NEO1: variants seen among roughly 807,000 people sequenced by gnomAD.
NEO1 encodes neogenin.
NEO1 carries 63 observed loss-of-function variants against 159.7 expected under a neutral mutation model. The observed-to-expected ratio is 0.39, with a 90% CI of 0.32 to 0.49. The LOEUF is 0.49. Ranked by LOEUF, NEO1 falls within the 20% of genes least tolerant of loss-of-function variation. The pLI is 0.85. For synonymous variants in NEO1, 633 were observed against 662.0 expected (o/e 0.96, Z 0.67); for missense variants, 1,615 against 1,831.0 (o/e 0.88, Z 2.15).
chr15:73,126,022 ACGT>A (rs1330897706), intron 3 of NEO1, among the ~76,000 whole-genome samples: 1 of 152,338 alleles, frequency 6.6e-6, no homozygotes, highest in Non-Finnish European at 1.5e-5. Flanking sequence ...ATTGACAAGT[ACGT>A]ACCCTGAAGG....
intron 5 of NEO1, among the ~76,000 whole-genome samples, chr15:73,165,920 CAT>C (rs1452538888): frequency 1.3e-5 from 2 of 152,200 alleles, no homozygotes; most frequent in Non-Finnish European, 2.9e-5. Context: ...CCTTACTGCA[CAT>C]GTGTCAGGAG....
intron 1 of NEO1, among the ~76,000 whole-genome samples, chr15:73,097,776 C>CTTTTTTTTTTTT (rs34165169): frequency 4.0e-5 from 3 of 75,554 alleles, no homozygotes; most frequent in Non-Finnish European, 4.4e-5. Flanking sequence ...TGGAACTAGC[C>CTTTTTTTTTTTT]TTTTTTTTTT....
chr15:73,109,849 G>A (rs1259544007), intron 1 of NEO1, among the ~76,000 whole-genome samples: 1 of 152,074 alleles, frequency 6.6e-6, no homozygotes, highest in African/African-American at 2.4e-5. Context: ...CCCAGGAGAG[G>A]GGTTCTGTAA....
chr15:73,288,209 T>G, intron 23 of NEO1, 104 bp from the exon 24 acceptor site: 1 of 1,113,350 alleles, frequency 9.0e-7, no homozygotes, highest in Admixed American at 2.2e-5. Context: ...TTGCTTTTTT[T>G]GCTTGAAACA....
intron 18 of NEO1, among the ~76,000 whole-genome samples, chr15:73,271,732 C>T (rs1004222175): frequency 6.6e-6 from 1 of 152,034 alleles, no homozygotes; most frequent in African/African-American, 2.4e-5. Context: ...CATGGCGAAA[C>T]CCCATCTCTA....
chr15:73,059,757 T>TA (rs1567100511), intron 1 of NEO1, among the ~76,000 whole-genome samples: 2 of 152,220 alleles, frequency 1.3e-5, no homozygotes, highest in African/African-American at 2.4e-5. Flanking sequence ...AACTTAGTTT[T>TA]ATAAAGCCAG....
At chr15:73,260,632 C>G (rs1353080058) in intron 15 of NEO1, among the ~76,000 whole-genome samples, 167 bp downstream of exon 15, 1 of 152,132 alleles carries the variant, frequency 6.6e-6, no homozygotes, top group Admixed American at 6.5e-5. Context: ...ACATTTACAG[C>G]TATATTTTGC....
At chr15:73,299,386 CTT>C (rs879735123) in intron 27 of NEO1, among the ~76,000 whole-genome samples, 7 of 143,536 alleles carry the variant, frequency 4.9e-5, no homozygotes, top group Non-Finnish European at 3.1e-5. Context: ...AACTATTTTC[CTT>C]TTTTTTTTTT....
At chr15:73,215,973 G>A (rs535141509) in intron 7 of NEO1, among the ~76,000 whole-genome samples, 3 of 152,002 alleles carry the variant, frequency 2.0e-5, no homozygotes, top group East Asian at 3.9e-4. Context: ...GGGTACATGT[G>A]TACAATGTGC....
intron 7 of NEO1, among the ~76,000 whole-genome samples, chr15:73,181,333 G>A (rs1051579196): frequency 1.3e-5 from 2 of 152,202 alleles, no homozygotes; most frequent in South Asian, 4.1e-4. Flanking sequence ...AAGGAAAATT[G>A]TTATGAGGCC....
chr15:73,109,658 C>T (rs2070868736), intron 1 of NEO1, among the ~76,000 whole-genome samples: 1 of 151,852 alleles, frequency 6.6e-6, no homozygotes, highest in African/African-American at 2.4e-5. Context: ...AATTGAATCA[C>T]CCTAGAATTT....
chr15:73,133,424 A>G (rs1357891185), intron 4 of NEO1, among the ~76,000 whole-genome samples: 1 of 152,158 alleles, frequency 6.6e-6, no homozygotes, highest in Non-Finnish European at 1.5e-5. Flanking sequence ...GGTGAGGGAT[A>G]AAAAGCTACA....
At chr15:73,144,703 A>AT (rs1383311984) in intron 5 of NEO1, among the ~76,000 whole-genome samples, 1 of 152,192 alleles carries the variant, frequency 6.6e-6, no homozygotes, top group African/African-American at 2.4e-5. Context: ...AGCTTCAGAC[A>AT]TTTGCAATTG....
chr15:73,090,009 A>T (rs1332966395), intron 1 of NEO1, among the ~76,000 whole-genome samples: 1 of 152,072 alleles, frequency 6.6e-6, no homozygotes, highest in Non-Finnish European at 1.5e-5. Context: ...TTACTCTCAG[A>T]TGTGTCCTGG....
chr15:73,188,133 G>A (rs553976060), intron 7 of NEO1, among the ~76,000 whole-genome samples: 2 of 151,860 alleles, frequency 1.3e-5, no homozygotes, highest in East Asian at 3.9e-4. Context: ...TCATGTTTTT[G>A]GCAGAAAGTC....
rs117788768 is a variant in NEO1 at position 73,069,963 on chromosome 15, A to G, written c.130+17158A>G. Among the ~76,000 whole-genome samples the G allele has an allele frequency of 4.0e-3, 613 of 152,330 alleles. 11 individuals are homozygous for G. The East Asian group carries it at 0.047, about 12-fold the overall frequency. ...TGGTTTGACAGATTGAGTATAGTAT[A>G]AGGAATTGGGAAAAAGCAGGCAACT... On this transcript the variant is annotated intron_variant, in intron 1 of 28. Transcript: ENST00000261908.
chr15:73,244,545 C>G, intron 9 of NEO1, 47 bp downstream of exon 9: 3 of 1,585,370 alleles, frequency 1.9e-6, no homozygotes, highest in Non-Finnish European at 2.6e-6. Flanking sequence ...GTAGACCTCT[C>G]TGAAGTTCTA....
At chr15:73,141,883 A>C (rs2032420948) in intron 5 of NEO1, among the ~76,000 whole-genome samples, 1 of 152,202 alleles carries the variant, frequency 6.6e-6, no homozygotes, top group Non-Finnish European at 1.5e-5. Context: ...TCATACATAC[A>C]GAGTACATCC....
At chr15:73,234,187 C>G (rs1273610537) in intron 7 of NEO1, among the ~76,000 whole-genome samples, 2 of 152,176 alleles carry the variant, frequency 1.3e-5, no homozygotes, top group African/African-American at 2.4e-5. Flanking sequence ...CAAGACTGTT[C>G]AGGCTACTTT....
Sources: gnomAD v4.1 joint callset for allele counts (sites outside exome capture counted in the v4.1 genomes callset) on GRCh38, gnomAD v4.1.1 for gene constraint, MANE v1.5 for transcripts, NCBI Gene and HGNC (gene_info 2026-07-23, HGNC 2026-07-21) for gene names.